TRPS1: variants seen among roughly 807,000 people sequenced by gnomAD.
The protein encoded by TRPS1 is zinc finger transcription factor Trps1.
A neutral mutation model predicts 101.2 loss-of-function variants in TRPS1; 6 were observed. That is an observed-to-expected ratio of 0.06 (90% CI 0.03 to 0.12). TRPS1 has a LOEUF of 0.12. TRPS1 is among the 10% of genes least tolerant of loss of function. The probability of loss-of-function intolerance (pLI) is 1.00; values close to 1 mark genes in which losing one functional copy is unlikely to be tolerated. For missense variants in TRPS1, 1,363 were observed against 1,567.0 expected (o/e 0.87, Z 2.20); for synonymous variants, 578 against 589.8 (o/e 0.98, Z 0.29).
chr8:115,598,403 G>A (rs1451178520), intron 4 of TRPS1, among the ~76,000 whole-genome samples: 4 of 152,104 alleles, frequency 2.6e-5, no homozygotes. Context: ...GACCTCCTGG[G>A]CTTAAGTGAT....
chr8:115,504,672 T>C (rs1262841411), intron 5 of TRPS1, among the ~76,000 whole-genome samples: 1 of 152,148 alleles, frequency 6.6e-6, no homozygotes, highest in Non-Finnish European at 1.5e-5. Context: ...TCAGGCCATA[T>C]GATTATGAGT....
chr8:115,427,809 G>A (rs1273891090), intron 5 of TRPS1, among the ~76,000 whole-genome samples: 1 of 148,656 alleles, frequency 6.7e-6, no homozygotes, highest in Non-Finnish European at 1.5e-5. Context: ...CACAGTCATA[G>A]CCAGAGGAAC....
chr8:115,662,381 A>C (rs954642059), intron 1 of TRPS1, among the ~76,000 whole-genome samples: 1 of 152,084 alleles, frequency 6.6e-6, no homozygotes, highest in Admixed American at 6.6e-5. Flanking sequence ...GGTTAAAAGC[A>C]AAGTCCACGA....
intron 1 of TRPS1, among the ~76,000 whole-genome samples, chr8:115,650,178 C>A (rs1475893417): frequency 6.6e-6 from 1 of 152,212 alleles, no homozygotes; most frequent in Non-Finnish European, 1.5e-5. Context: ...TACAGTGAAA[C>A]TGTTTCTACT....
intron 5 of TRPS1, among the ~76,000 whole-genome samples, chr8:115,502,585 T>C (rs1815345389): frequency 6.6e-6 from 1 of 152,122 alleles, no homozygotes. Flanking sequence ...TAAGATTATC[T>C]AGAAATGATA....
Position 115,418,707 on chromosome 8 carries a change from G to T in TRPS1, c.2701-255C>A, listed in dbSNP as rs1812981895. On this transcript the variant is annotated intron_variant, in intron 5 of 6. Coordinates refer to ENST00000395715, the MANE Select transcript of TRPS1 (RefSeq NM_014112.5). This position sits in a 1 kb window ranked among gnomAD's most constrained non-coding sequence, Gnocchi z 4.3. The stretch of plus-strand genomic sequence containing the variant: ...AACAGCTTTAACTTTTTGAACTTTG[G>T]GTTTTATGGCTTTAATGATGGCTCC... Among the ~76,000 whole-genome samples, 1 of 152,108 alleles carries T rather than the reference G, an allele frequency of 6.6e-6. No homozygotes were observed. The highest frequency in any genetic ancestry group is 1.5e-5 in the Non-Finnish European group (1 of 68,030).
At chr8:115,469,737 C>A (rs1420713420) in intron 5 of TRPS1, among the ~76,000 whole-genome samples, 1 of 152,078 alleles carries the variant, frequency 6.6e-6, no homozygotes, top group African/African-American at 2.4e-5. Context: ...CCATGTTGGC[C>A]AGGCTGGTCT....
intron 5 of TRPS1, among the ~76,000 whole-genome samples, chr8:115,575,127 C>T (rs183891270): frequency 5.3e-5 from 8 of 152,146 alleles, no homozygotes; most frequent in South Asian, 4.1e-4. Flanking sequence ...AATTTAAAAT[C>T]GCAAGCAAGT....
chr8:115,515,820 G>A (rs762263928), intron 5 of TRPS1, among the ~76,000 whole-genome samples: 1 of 151,264 alleles, frequency 6.6e-6, no homozygotes, highest in Non-Finnish European at 1.5e-5. Context: ...TTATTAAATG[G>A]TCCTTGTCAG....
chr8:115,428,541 T>C (rs1041424398), intron 5 of TRPS1, among the ~76,000 whole-genome samples: 1 of 152,190 alleles, frequency 6.6e-6, no homozygotes, highest in African/African-American at 2.4e-5. Context: ...AACAAAAACA[T>C]ACGGGAATAC....
intron 5 of TRPS1, among the ~76,000 whole-genome samples, chr8:115,461,426 C>G (rs1310952046): frequency 6.6e-6 from 1 of 152,090 alleles, no homozygotes; most frequent in Non-Finnish European, 1.5e-5. Context: ...TTTGTTGAAG[C>G]AATCAATAGT....
chr8:115,468,895 T>A (rs991937975), intron 5 of TRPS1, among the ~76,000 whole-genome samples: 4 of 152,002 alleles, frequency 2.6e-5, no homozygotes, highest in Admixed American at 2.6e-4. Flanking sequence ...ATCCCCACAC[T>A]TTGGGGAACT....
chr8:115,572,870 C>A lies in TRPS1; in HGVS notation c.2700+14131G>T, dbSNP rs551934209. Among the ~76,000 whole-genome samples, 9 of 152,214 alleles carry A rather than the reference C, an allele frequency of 5.9e-5. No homozygotes were observed. In the South Asian group the frequency reaches 1.5e-3, roughly 25 times the overall value. On this transcript the variant is annotated intron_variant, in intron 5 of 6. Coordinates refer to ENST00000395715, the MANE Select transcript of TRPS1 (RefSeq NM_014112.5). The stretch of plus-strand genomic sequence containing the variant: ...AATATACGCCAGACTCCGTGGCTCA[C>A]GCCTGTAATCCCAGCACTTTGGGAG...
intron 5 of TRPS1, among the ~76,000 whole-genome samples, chr8:115,419,928 A>C (rs1813010982): frequency 6.6e-6 from 1 of 152,216 alleles, no homozygotes; most frequent in South Asian, 2.1e-4. Flanking sequence ...AAATGAATGA[A>C]ACGTAAAGAA....
intron 5 of TRPS1, among the ~76,000 whole-genome samples, chr8:115,465,861 G>A (rs1162607308): frequency 6.6e-6 from 1 of 152,040 alleles, no homozygotes; most frequent in Non-Finnish European, 1.5e-5. Context: ...TGGAGTCTCT[G>A]TTATCTATAG....
intron 5 of TRPS1, among the ~76,000 whole-genome samples, chr8:115,465,681 C>T (rs1814300244): frequency 6.6e-6 from 1 of 152,012 alleles, no homozygotes; most frequent in African/African-American, 2.4e-5. Context: ...TAGAGCAGAC[C>T]TAATTTCTGT....
intron 5 of TRPS1, among the ~76,000 whole-genome samples, chr8:115,540,811 C>T (rs2130305425): frequency 6.6e-6 from 1 of 151,930 alleles, no homozygotes; most frequent in Admixed American, 6.5e-5. Flanking sequence ...ATCAAAACAA[C>T]TTACGCACCC....
At chr8:115,487,529 C>A (rs140562195) in intron 5 of TRPS1, among the ~76,000 whole-genome samples, 1 of 152,278 alleles carries the variant, frequency 6.6e-6, no homozygotes, top group Non-Finnish European at 1.5e-5. Context: ...AAAAAGGATT[C>A]ACCACTCTAG....
At chr8:115,598,102 AT>A in intron 4 of TRPS1, among the ~76,000 whole-genome samples, 1 of 152,220 alleles carries the variant, frequency 6.6e-6, no homozygotes, top group East Asian at 1.9e-4. Flanking sequence ...TTTTCTCACC[AT>A]TTTTTAAAAA....
Sources: allele counts gnomAD v4.1 joint callset (sites outside exome capture counted in the v4.1 genomes callset), GRCh38; gene constraint gnomAD v4.1.1; non-coding constraint Gnocchi (gnomAD v3.1); transcripts MANE v1.5; gene names NCBI Gene and HGNC (gene_info 2026-07-23, HGNC 2026-07-21).